EXOC4: variants seen among roughly 807,000 people sequenced by gnomAD.
EXOC4 encodes exocyst complex component 4, also known as SEC8-like 1.
Under a neutral mutation model 107.2 loss-of-function variants are expected in EXOC4, and 71 were observed. The observed-to-expected ratio is 0.66, with a 90% confidence interval of 0.55 to 0.81. The LOEUF is 0.81. Ranked by LOEUF, EXOC4 falls within the 30% of genes least tolerant of loss-of-function variation. The pLI, the probability that EXOC4 is intolerant of heterozygous loss-of-function variation, is 0.00. For missense variants in EXOC4, 1,108 were observed against 1,189.6 expected (o/e 0.93, Z 1.01); for synonymous variants, 456 against 441.2 (o/e 1.03, Z -0.42).
intron 7 of EXOC4, among the ~76,000 whole-genome samples, chr7:133,419,081 C>T (rs541334129): frequency 1.6e-4 from 24 of 152,158 alleles, no homozygotes; most frequent in African/African-American, 5.8e-4. Flanking sequence ...GGGGAGACAT[C>T]CTCTGAATAA....
chr7:133,776,285 A>G (rs762007394), intron 10 of EXOC4, among the ~76,000 whole-genome samples: 5 of 152,198 alleles, frequency 3.3e-5, no homozygotes, highest in Admixed American at 1.3e-4. Flanking sequence ...TAAAGCAACA[A>G]TGCAGCATCC....
At chr7:133,835,492 A>G (rs946460834) in intron 11 of EXOC4, among the ~76,000 whole-genome samples, 1 of 152,186 alleles carries the variant, frequency 6.6e-6, no homozygotes, top group Non-Finnish European at 1.5e-5. Context: ...TGAGTTTCTG[A>G]TTAGCCTTTC....
chr7:133,813,837 C>T (rs1326760728), intron 10 of EXOC4, among the ~76,000 whole-genome samples: 1 of 151,966 alleles, frequency 6.6e-6, no homozygotes, highest in East Asian at 1.9e-4. Context: ...ATATATACAC[C>T]ATCTTCATCC....
Position 133,587,027 on chromosome 7 carries a change from T to C in EXOC4, c.1418-43018T>C, listed in dbSNP as rs182039638. Among the ~76,000 whole-genome samples the C allele has an allele frequency of 2.6e-5, 4 of 151,848 alleles. No homozygotes were observed. The East Asian group carries it at 7.8e-4, about 29-fold the overall frequency. ...TTTTGTATTTTTAGTAGAGACAGGA[T>C]TTCATCATATTGGCCAGGCTGGTCT... On this transcript the variant is annotated intron_variant, in intron 9 of 17. Coordinates refer to ENST00000253861, the MANE Select transcript of EXOC4 (RefSeq NM_021807.4).
intron 6 of EXOC4, among the ~76,000 whole-genome samples, chr7:133,374,269 G>C (rs1173782359): frequency 1.3e-5 from 2 of 151,564 alleles, no homozygotes; most frequent in East Asian, 3.9e-4. Flanking sequence ...GGATGCCTGA[G>C]CTTCTCCCTG....
chr7:133,423,877 G>T (rs768151301), intron 7 of EXOC4, among the ~76,000 whole-genome samples: 5 of 152,172 alleles, frequency 3.3e-5, no homozygotes, highest in African/African-American at 9.7e-5. Context: ...ATAGGGGGAC[G>T]AGCTCCCTCT....
chr7:133,677,558 G>A (rs1034337805), intron 10 of EXOC4, among the ~76,000 whole-genome samples: 21 of 152,110 alleles, frequency 1.4e-4, no homozygotes, highest in South Asian at 4.1e-4. Context: ...GTTTTGCTCC[G>A]ATTTTTAATT....
At chr7:134,093,236 T>C in the EXOC4 span, among the ~76,000 whole-genome samples, 4 of 152,056 alleles carry the variant, frequency 2.6e-5, no homozygotes, top group South Asian at 2.1e-4. Flanking sequence ...AGATCTGCCA[T>C]GCAAAACAAA....
intron 10 of EXOC4, among the ~76,000 whole-genome samples, chr7:133,682,896 T>C (rs1267394801): frequency 1.3e-5 from 2 of 152,142 alleles, no homozygotes; most frequent in Non-Finnish European, 2.9e-5. Flanking sequence ...GGAAAGGAGG[T>C]AGTGCAGACA....
At position 134,005,101 on chromosome 7, in the gene EXOC4, G is replaced by T. The variant is rs1554433864; in HGVS notation, c.2527+11G>T. Reference sequence around the variant, plus strand: ...AGTATATCTTCGAAGGTCAGACCCTGCTTCTGTCTCTGGGAGTTTGGGAGG... The same window carrying T: ...AGTATATCTTCGAAGGTCAGACCCTTCTTCTGTCTCTGGGAGTTTGGGAGG... On this transcript the variant is annotated intron_variant, in intron 16 of 17. Transcript: ENST00000253861. The T allele has an allele frequency of 5.6e-6, 9 of 1,607,176 alleles. No individual in the cohort carries two copies. In the South Asian group the frequency reaches 8.8e-5, roughly 16 times the overall value.
intron 15 of EXOC4, among the ~76,000 whole-genome samples, chr7:134,001,291 A>G (rs773492807): frequency 6.6e-6 from 1 of 152,192 alleles, no homozygotes; most frequent in African/African-American, 2.4e-5. Context: ...GCAACTGCCT[A>G]TCACTGTTGG....
chr7:133,525,151 G>A (rs924703966), intron 9 of EXOC4, among the ~76,000 whole-genome samples: 5 of 152,122 alleles, frequency 3.3e-5, no homozygotes, highest in African/African-American at 1.2e-4. Flanking sequence ...GGGTACGTTA[G>A]GATGGAGGAC....
intron 11 of EXOC4, among the ~76,000 whole-genome samples, chr7:133,823,895 T>TTATATA (rs1157364204): frequency 1.1e-4 from 2 of 17,876 alleles, no homozygotes; most frequent in African/African-American, 1.5e-3. Context: ...TATATATATT[T>TTATATA]TATATATATA....
At chr7:133,529,391 A>T (rs1800138486) in intron 9 of EXOC4, among the ~76,000 whole-genome samples, 1 of 152,186 alleles carries the variant, frequency 6.6e-6, no homozygotes, top group Admixed American at 6.5e-5. Flanking sequence ...ACTTTGCTGG[A>T]GAGAGGGTTG....
At chr7:134,082,094 A>T in the EXOC4 span, among the ~76,000 whole-genome samples, 1 of 152,204 alleles carries the variant, frequency 6.6e-6, no homozygotes, top group South Asian at 2.1e-4. Context: ...CCATAAAGTA[A>T]AGTGAAAGCA....
At chr7:133,963,630 A>G (rs1238791793) in intron 14 of EXOC4, among the ~76,000 whole-genome samples, 1 of 152,278 alleles carries the variant, frequency 6.6e-6, no homozygotes, top group African/African-American at 2.4e-5. Flanking sequence ...AGAGTTATCC[A>G]TGATATTAAA....
intron 11 of EXOC4, among the ~76,000 whole-genome samples, chr7:133,843,009 T>C (rs1268131833): frequency 1.3e-5 from 2 of 152,222 alleles, no homozygotes; most frequent in African/African-American, 4.8e-5. Flanking sequence ...CTCTCTATTC[T>C]GTTCCATTGA....
intron 10 of EXOC4, among the ~76,000 whole-genome samples, chr7:133,645,777 A>G (rs1299569802): frequency 6.6e-6 from 1 of 152,112 alleles, no homozygotes; most frequent in Non-Finnish European, 1.5e-5. Flanking sequence ...TTCTTCTTGG[A>G]GTTGCTTTTG....
intron 11 of EXOC4, among the ~76,000 whole-genome samples, chr7:133,874,305 A>G (rs1273747687): frequency 6.6e-6 from 1 of 152,218 alleles, no homozygotes; most frequent in Non-Finnish European, 1.5e-5. Context: ...GAAAAGTCAT[A>G]TAAAGCAGTT....
Sources: gnomAD v4.1 joint callset for allele counts (sites outside exome capture counted in the v4.1 genomes callset) on GRCh38, gnomAD v4.1.1 for gene constraint, MANE v1.5 for transcripts, NCBI Gene and HGNC (gene_info 2026-07-23, HGNC 2026-07-21) for gene names.